Variants in DPEP1 observed in about 807,000 individuals in gnomAD.
The protein encoded by DPEP1 is beta-lactamase.
A neutral mutation model predicts 42.3 loss-of-function variants in DPEP1; 50 were observed. That is an observed-to-expected ratio of 1.18 (90% CI 0.94 to 1.50). The LOEUF (loss-of-function observed/expected upper bound fraction) is 1.50. Ranked by LOEUF, DPEP1 falls within the 40% of genes most tolerant of loss-of-function variation. DPEP1 has a pLI of 0.00. For missense variants in DPEP1, 663 were observed against 553.0 expected, an observed-to-expected ratio of 1.20 and a Z score of -1.99; for synonymous variants, 297 against 234.0, an observed-to-expected ratio of 1.27 and a Z score of -2.46.
intron 1 of DPEP1, among the ~76,000 whole-genome samples, chr16:89,622,290 G>C (rs2059454832): frequency 6.6e-6 from 1 of 152,150 alleles, no homozygotes; most frequent in Non-Finnish European, 1.5e-5. Flanking sequence ...AGGAGGGCCT[G>C]GGCAGGACAA....
chr16:89,615,290 G>T (rs1206114097), intron 1 of DPEP1, among the ~76,000 whole-genome samples: 1 of 152,202 alleles, frequency 6.6e-6, no homozygotes, highest in Non-Finnish European at 1.5e-5. Context: ...CGCCCCTGAG[G>T]GGTGGCCTCA....
intron 8 of DPEP1, 39 bp from the exon 9 acceptor site, chr16:89,637,593 G>T: frequency 6.2e-7 from 1 of 1,612,816 alleles, no homozygotes; most frequent in Non-Finnish European, 8.5e-7. Context: ...GAAGGGGGAG[G>T]GCCTCACTCG....
At chr16:89,628,941 C>T (rs2059550477) in intron 1 of DPEP1, among the ~76,000 whole-genome samples, 1 of 152,034 alleles carries the variant, frequency 6.6e-6, no homozygotes, top group Non-Finnish European at 1.5e-5. Context: ...ATTCTCCTGC[C>T]TCAGCCTCCT....
chr16:89,639,892 G>C (rs1230258002), downstream of DPEP1, among the ~76,000 whole-genome samples: 2 of 148,202 alleles, frequency 1.3e-5, no homozygotes, highest in East Asian at 2.0e-4. Context: ...GGCCAGGCTG[G>C]TTTCCAACCC....
intron 1 of DPEP1, among the ~76,000 whole-genome samples, chr16:89,629,683 A>G (rs1392227584): frequency 1.3e-5 from 2 of 152,170 alleles, no homozygotes; most frequent in African/African-American, 2.4e-5. Flanking sequence ...CCCTCGGGCG[A>G]CTTGAATGTG....
rs116750359 is a variant in DPEP1, at chr16:89,625,145, C to T, written c.-106-5160C>T. Among the ~76,000 whole-genome samples the T allele has an allele frequency of 8.9e-3, 1,350 of 152,140 alleles. 19 individuals carry two copies. The highest frequency in any genetic ancestry group is 0.031 in the African/African-American group (1,282 of 41,510). On this transcript the variant is annotated intron_variant, in intron 1 of 10. Coordinates refer to ENST00000690203, the MANE Select transcript of DPEP1 (RefSeq NM_001389466.1). ...TTTTCCTGGATTCAGCGTGCTTTGGCCTCGGACTCTCTCCCCCTGACCTTG... is the reference window on the plus strand; with the variant it reads ...TTTTCCTGGATTCAGCGTGCTTTGGTCTCGGACTCTCTCCCCCTGACCTTG...
chr16:89,639,103 C>A (rs1431632034), downstream of DPEP1, among the ~76,000 whole-genome samples: 2 of 77,472 alleles, frequency 2.6e-5, no homozygotes, highest in South Asian at 4.8e-4. Context: ...ACACACACCC[C>A]CACCCCTGCA....
chr16:89,639,002 CACACACA>C, downstream of DPEP1, among the ~76,000 whole-genome samples: 1 of 88,932 alleles, frequency 1.1e-5, no homozygotes, highest in African/African-American at 5.1e-5. Context: ...CCTGCACACA[CACACACA>C]CCGCACCCCT....
rs1055858181 is a variant in DPEP1 at position 89,638,360 on chromosome 16, G to T, written c.*138G>T. On this transcript the variant is annotated 3_prime_UTR_variant, in exon 11 of 11. Transcript: ENST00000690203. Reference sequence around the variant, plus strand: ...CCTGAGAGGACGCCTGGGCTTACCTGGGGGGCAGGATGCCTGGGGACAGTT... The same window carrying T: ...CCTGAGAGGACGCCTGGGCTTACCTTGGGGGCAGGATGCCTGGGGACAGTT... 1.9e-5 allele frequency: 27 copies of T among 1,423,844 alleles called. No individual in the cohort carries two copies. Among genetic ancestry groups the T allele is most frequent in the Non-Finnish European group, 2.5e-5 (27 of 1,093,846 alleles). 88.2% of individuals were successfully genotyped at this position (1,423,844 alleles called of 1,614,324 possible).
intron 1 of DPEP1, among the ~76,000 whole-genome samples, chr16:89,616,385 G>A (rs934813888): frequency 1.3e-5 from 2 of 152,120 alleles, no homozygotes; most frequent in African/African-American, 2.4e-5. Context: ...TGAGAGGATC[G>A]GACAGACGGG....
At chr16:89,640,727 T>C (rs1048604543), downstream of DPEP1, 1 of 718,078 alleles carries the variant, frequency 1.4e-6, no homozygotes, top group African/African-American at 1.9e-5. Flanking sequence ...GGCCTAATTT[T>C]ATTAACAGTA....
chr16:89,614,446 G>A (rs2059361508), intron 1 of DPEP1, among the ~76,000 whole-genome samples: 1 of 152,188 alleles, frequency 6.6e-6, no homozygotes, highest in South Asian at 2.1e-4. Flanking sequence ...TAAGAGCAGG[G>A]CCTGTTGTCC....
chr16:89,625,958 C>A (rs1170503496), intron 1 of DPEP1, among the ~76,000 whole-genome samples: 1 of 152,190 alleles, frequency 6.6e-6, no homozygotes, highest in Non-Finnish European at 1.5e-5. Flanking sequence ...AGGACGCCCT[C>A]GTGTTGAATT....
intron 1 of DPEP1, among the ~76,000 whole-genome samples, chr16:89,626,744 T>C (rs2059518492): frequency 6.6e-6 from 1 of 151,472 alleles, no homozygotes; most frequent in Admixed American, 6.6e-5. Flanking sequence ...CCCTTTGCCT[T>C]CGGCCATGAT....
chr16:89,640,454 C>T (rs1037781309), downstream of DPEP1: 12 of 619,162 alleles, frequency 1.9e-5, 1 homozygote, highest in South Asian at 1.5e-4. Flanking sequence ...GGCCCTGAGT[C>T]GAGGAGCAGG....
intron 2 of DPEP1, among the ~76,000 whole-genome samples, chr16:89,635,492 G>A (rs889859918): frequency 6.6e-6 from 1 of 152,256 alleles, no homozygotes; most frequent in African/African-American, 2.4e-5. Flanking sequence ...TCCCCAAGAG[G>A]CAATTTGATC....
chr16:89,637,673 G>C lies in DPEP1; in HGVS notation c.895G>C (p.Val299Leu). ...HIKEVAGARA[V>L]GFGGDFDGVP... ...CAAGGAGGTGGCAGGAGCCAGAGCC[G>C]TGGGTTTTGGTGGGGACTTTGATGG... The change falls in exon 9 of 11, where the codon GTG (valine) becomes CTG (leucine). Residue 299 changes from valine to leucine, a missense_variant. Coordinates refer to ENST00000690203, the MANE Select transcript of DPEP1 (RefSeq NM_001389466.1). The C allele has an allele frequency of 6.2e-7, 1 of 1,613,056 alleles. No homozygotes were observed. The highest frequency in any genetic ancestry group is 8.5e-7 in the Non-Finnish European group (1 of 1,179,990).
intron 2 of DPEP1, among the ~76,000 whole-genome samples, chr16:89,632,514 G>A (rs1265417709): frequency 6.6e-6 from 1 of 152,196 alleles, no homozygotes; most frequent in Non-Finnish European, 1.5e-5. Context: ...TGGATCCCGG[G>A]GGCAGCCAGC....
At chr16:89,637,421 C>G in intron 7 of DPEP1, 41 bp downstream of exon 7, 1 of 1,612,666 alleles carries the variant, frequency 6.2e-7, no homozygotes, top group Non-Finnish European at 8.5e-7. Flanking sequence ...CCTCCCTGGG[C>G]AGGCCCTCCC....
Sources: gnomAD v4.1 joint callset for allele counts (sites outside exome capture counted in the v4.1 genomes callset) on GRCh38, gnomAD v4.1.1 for gene constraint, MANE v1.5 for transcripts, NCBI Gene and HGNC (gene_info 2026-07-23, HGNC 2026-07-21) for gene names.